Variants in SLC4A7 observed in about 807,000 individuals in gnomAD.
The protein encoded by SLC4A7 is sodium bicarbonate cotransporter 3.
SLC4A7 carries 51 observed loss-of-function variants against 137.6 expected under a neutral mutation model. That is an observed-to-expected ratio of 0.37 (90% confidence interval 0.30 to 0.47). The LOEUF (loss-of-function observed/expected upper bound fraction) is 0.47, where lower values mean the gene tolerates loss of function less well. Ranked by LOEUF, SLC4A7 falls within the 20% of genes least tolerant of loss-of-function variation. The pLI, the probability that SLC4A7 is intolerant of heterozygous loss-of-function variation, is 1.00. For missense variants in SLC4A7, 1,247 were observed against 1,525.4 expected, an observed-to-expected ratio of 0.82 and a Z score of 3.04; for synonymous variants, 542 against 518.6, an observed-to-expected ratio of 1.05 and a Z score of -0.61.
intron 3 of SLC4A7, among the ~76,000 whole-genome samples, chr3:27,441,704 T>C (rs1030718514): frequency 1.3e-5 from 2 of 152,086 alleles, no homozygotes; most frequent in African/African-American, 4.8e-5. Flanking sequence ...CCTAGGCTGG[T>C]CTTGAACTCC....
intron 23 of SLC4A7, 37 bp from the exon 24 acceptor site, chr3:27,383,287 G>A: frequency 1.4e-6 from 2 of 1,399,870 alleles, no homozygotes; most frequent in Non-Finnish European, 2.0e-6. Flanking sequence ...ACTTTTCCCA[G>A]AATATTTTCC....
intron 1 of SLC4A7, chr3:27,462,936 A>G (rs1481243043): frequency 6.6e-6 from 1 of 152,304 alleles, no homozygotes; most frequent in Admixed American, 6.5e-5. Flanking sequence ...TATTATAATG[A>G]TATTATGAAC....
At chr3:27,392,189 G>A (rs1494424) in intron 20 of SLC4A7, among the ~76,000 whole-genome samples, 148,052 of 152,288 alleles carry the variant, frequency 0.97, 72,008 homozygotes, top group East Asian at 1. Flanking sequence ...GACAACCATT[G>A]TCATTGCTAT....
At chr3:27,461,712 T>C (rs574784816) in intron 1 of SLC4A7, among the ~76,000 whole-genome samples, 2 of 150,264 alleles carry the variant, frequency 1.3e-5, no homozygotes, top group Non-Finnish European at 1.5e-5. Context: ...GTAATCCCAA[T>C]ACTTTGGGAG....
At position 27,431,435 on chromosome 3, in the gene SLC4A7, C is replaced by T. The variant is rs139578211; in HGVS notation, c.1013G>A (p.Arg338His). 19 of 1,614,056 alleles carry T rather than the reference C, an allele frequency of 1.2e-5. No homozygotes were observed. In the East Asian group the frequency reaches 1.3e-4, roughly 11 times the overall value. Residue 338 changes from arginine to histidine, a missense_variant, in exon 7 of 26, where the codon CGT becomes CAT. Around this residue, in one of 6 missense-constraint regions of SLC4A7, gnomAD observed 223 missense variants for 203.6 expected, o/e 1.10. Coordinates refer to ENST00000454389, the MANE Select transcript of SLC4A7 (RefSeq NM_001321103.2). The stretch of plus-strand genomic sequence containing the variant: ...TGAAACCAGTAGTTCTGGGGCCTGA[C>T]GCTGACTCTCTTGGGAACTTCTGGA... ...LTSRSSQESQ[R>H]QAPELLVSPA... is the part of the protein sequence containing the mutation.
chr3:27,458,841 T>C (rs2058547372), intron 1 of SLC4A7, among the ~76,000 whole-genome samples: 1 of 151,966 alleles, frequency 6.6e-6, no homozygotes, highest in Non-Finnish European at 1.5e-5. Context: ...TACACAAAAA[T>C]TAGCCAGGCA....
intron 22 of SLC4A7, among the ~76,000 whole-genome samples, chr3:27,389,117 T>C (rs1023701035): frequency 5.9e-5 from 9 of 152,254 alleles, no homozygotes; most frequent in Middle Eastern, 3.4e-3. Context: ...AACAACTTAG[T>C]TGCATTGAAG....
At chr3:27,392,261 C>A (rs908213086) in intron 20 of SLC4A7, among the ~76,000 whole-genome samples, 1 of 152,156 alleles carries the variant, frequency 6.6e-6, no homozygotes, top group Non-Finnish European at 1.5e-5. Context: ...GTAAAATCCA[C>A]CTCCAAAATA....
chr3:27,427,934 G>A (rs1294945313), intron 7 of SLC4A7, among the ~76,000 whole-genome samples: 1 of 152,120 alleles, frequency 6.6e-6, no homozygotes, highest in Non-Finnish European at 1.5e-5. Context: ...AGAAGCCAAT[G>A]TGAACCCATC....
At chr3:27,401,507 T>C (rs796425862) in intron 15 of SLC4A7, among the ~76,000 whole-genome samples, 39 of 152,314 alleles carry the variant, frequency 2.6e-4, no homozygotes, top group African/African-American at 9.1e-4. Context: ...TAATCATGAA[T>C]GTTCCAAACT....
chr3:27,410,774 A>C (rs1194415391), intron 12 of SLC4A7, among the ~76,000 whole-genome samples: 1 of 152,146 alleles, frequency 6.6e-6, no homozygotes, highest in Non-Finnish European at 1.5e-5. Context: ...CAGGGTCAAA[A>C]TCTTTTCTCT....
chr3:27,471,631 C>G (rs765300320), intron 1 of SLC4A7, among the ~76,000 whole-genome samples: 29 of 152,312 alleles, frequency 1.9e-4, no homozygotes, highest in Admixed American at 5.2e-4. Context: ...CTCGGCCTCC[C>G]AAAGTGCTGA....
intron 13 of SLC4A7, among the ~76,000 whole-genome samples, chr3:27,409,007 G>T (rs1259856764): frequency 6.6e-6 from 1 of 152,072 alleles, no homozygotes; most frequent in Non-Finnish European, 1.5e-5. Context: ...TAGCCCCACT[G>T]ATAAAAACCC....
At chr3:27,401,599 A>G (rs1364720789) in intron 15 of SLC4A7, among the ~76,000 whole-genome samples, 1 of 152,188 alleles carries the variant, frequency 6.6e-6, no homozygotes, top group Non-Finnish European at 1.5e-5. Flanking sequence ...CTGACCTCCA[A>G]GTTTTAACCT....
chr3:27,402,474 T>C (rs1022141187), intron 15 of SLC4A7, among the ~76,000 whole-genome samples: 1 of 152,048 alleles, frequency 6.6e-6, no homozygotes, highest in Non-Finnish European at 1.5e-5. Flanking sequence ...CCGAGGCAGG[T>C]GGATCACCTG....
chr3:27,452,390 G>A (rs775200003), intron 2 of SLC4A7, 27 bp downstream of exon 2: 23 of 1,409,518 alleles, frequency 1.6e-5, no homozygotes, highest in Middle Eastern at 1.8e-4. Flanking sequence ...CCTACTAAGC[G>A]AAGTAAGTTA....
intron 3 of SLC4A7, among the ~76,000 whole-genome samples, chr3:27,445,143 T>C (rs1041983554): frequency 4.6e-5 from 7 of 152,188 alleles, no homozygotes; most frequent in Non-Finnish European, 7.3e-5. Context: ...GTACAGAAAG[T>C]GCTTAGCCTA....
chr3:27,384,701 G>A (rs2050759919), intron 23 of SLC4A7, among the ~76,000 whole-genome samples: 1 of 152,096 alleles, frequency 6.6e-6, no homozygotes, highest in Middle Eastern at 3.2e-3. Flanking sequence ...AGTGGCTCAC[G>A]TCTATAATCC....
At chr3:27,456,665 C>G in intron 1 of SLC4A7, 1 of 1,608,302 alleles carries the variant, frequency 6.2e-7, no homozygotes, top group Non-Finnish European at 8.5e-7. Context: ...AACTTCTTCT[C>G]CAGACGAAAT....
Sources: allele counts gnomAD v4.1 joint callset (sites outside exome capture counted in the v4.1 genomes callset), GRCh38; gene constraint gnomAD v4.1.1; regional missense constraint gnomAD v4.1.1; transcripts MANE v1.5; gene names NCBI Gene and HGNC (gene_info 2026-07-23, HGNC 2026-07-21).